Variants in GPC6 observed in about 807,000 individuals in gnomAD.
GPC6 encodes the protein glypican 6.
Under a neutral mutation model 55.2 loss-of-function variants are expected in GPC6, and 14 were observed. The observed-to-expected ratio is 0.25, with a 90% CI of 0.17 to 0.40. The LOEUF (loss-of-function observed/expected upper bound fraction) is 0.40, where lower values mean the gene tolerates loss of function less well. Among genes scored for constraint, GPC6 ranks in the 10% least tolerant of loss-of-function variants. GPC6 has a pLI of 1.00. For synonymous variants in GPC6, 278 were observed against 259.6 expected (o/e 1.07, Z -0.68); for missense variants, 641 against 708.5 (o/e 0.90, Z 1.08).
intron 2 of GPC6, among the ~76,000 whole-genome samples, chr13:93,582,443 C>T (rs1030405851): frequency 7.9e-5 from 12 of 152,000 alleles, no homozygotes; most frequent in African/African-American, 2.7e-4. Context: ...TTTTGTTAAG[C>T]AAATTAAAAG....
chr13:93,325,068 G>A (rs1879607789), intron 1 of GPC6, among the ~76,000 whole-genome samples: 1 of 152,010 alleles, frequency 6.6e-6, no homozygotes, highest in African/African-American at 2.4e-5. Flanking sequence ...CTATGTTTTG[G>A]AAAACTTAGG....
the GPC6 span, among the ~76,000 whole-genome samples, chr13:93,219,647 G>A: frequency 1.3e-5 from 2 of 151,982 alleles, no homozygotes; most frequent in East Asian, 3.9e-4. Context: ...TTTAATTATT[G>A]TATTTTGAAG....
intron 3 of GPC6, among the ~76,000 whole-genome samples, chr13:94,013,273 C>CTCCA (rs1318002613): frequency 1.3e-5 from 2 of 151,928 alleles, no homozygotes; most frequent in Non-Finnish European, 2.9e-5. Context: ...TTTGGAAATA[C>CTCCA]TCCAGTCTTT....
chr13:94,050,028 C>T (rs1883885600), intron 4 of GPC6, among the ~76,000 whole-genome samples: 2 of 152,042 alleles, frequency 1.3e-5, no homozygotes, highest in African/African-American at 2.4e-5. Flanking sequence ...TGCCTTTCAC[C>T]TTCACCATGA....
At chr13:93,243,046 G>A (rs2139017789) in intron 1 of GPC6, among the ~76,000 whole-genome samples, 1 of 152,276 alleles carries the variant, frequency 6.6e-6, no homozygotes, top group Non-Finnish European at 1.5e-5. Context: ...GTTCGAGATG[G>A]TAGCCCAATA....
intron 1 of GPC6, among the ~76,000 whole-genome samples, chr13:93,245,314 G>A (rs1003242687): frequency 2.0e-5 from 3 of 152,108 alleles, no homozygotes; most frequent in African/African-American, 7.2e-5. Context: ...TAATTGATTT[G>A]GGAAAGGGCA....
intron 4 of GPC6, among the ~76,000 whole-genome samples, chr13:94,043,247 G>C (rs532663646): frequency 1.3e-5 from 2 of 151,774 alleles, no homozygotes; most frequent in Non-Finnish European, 2.9e-5. Context: ...AGACGTGCTC[G>C]ATGCTACTGG....
At chr13:93,476,813 G>A (rs1879318739) in intron 1 of GPC6, among the ~76,000 whole-genome samples, 1 of 151,830 alleles carries the variant, frequency 6.6e-6, no homozygotes. Flanking sequence ...TAAAATATTG[G>A]GGTGTATAAA....
At chr13:93,827,990 A>G (rs2138976494) in intron 2 of GPC6, among the ~76,000 whole-genome samples, 1 of 151,772 alleles carries the variant, frequency 6.6e-6, no homozygotes, top group South Asian at 2.1e-4. Context: ...TTGGAAAGCA[A>G]TGAGTATCAG....
chr13:93,991,211 A>C (rs1881289167), intron 3 of GPC6, among the ~76,000 whole-genome samples: 1 of 152,184 alleles, frequency 6.6e-6, no homozygotes, highest in African/African-American at 2.4e-5. Flanking sequence ...ATAAAAGGGA[A>C]TCATATGATG....
chr13:93,925,100 T>C (rs1266762884), intron 3 of GPC6, among the ~76,000 whole-genome samples: 1 of 152,172 alleles, frequency 6.6e-6, no homozygotes, highest in Non-Finnish European at 1.5e-5. Context: ...TTTTACCTAC[T>C]TTGTCTCATT....
chr13:94,208,755 A>AT (rs1889980859), intron 4 of GPC6, among the ~76,000 whole-genome samples: 1 of 142,496 alleles, frequency 7.0e-6, no homozygotes, highest in African/African-American at 2.6e-5. Context: ...CCATCTCCCA[A>AT]AAAAAAAAAA....
chr13:94,166,037 T>C (rs2138921600), intron 4 of GPC6, among the ~76,000 whole-genome samples: 1 of 152,308 alleles, frequency 6.6e-6, no homozygotes, highest in South Asian at 2.1e-4. Context: ...TTTCTTCTGC[T>C]AATTGATTCT....
At chr13:94,115,846 T>A (rs1318315262) in intron 4 of GPC6, among the ~76,000 whole-genome samples, 1 of 152,064 alleles carries the variant, frequency 6.6e-6, no homozygotes, top group African/African-American at 2.4e-5. Flanking sequence ...TTATAGTAAA[T>A]AAGAATATTT....
intron 2 of GPC6, among the ~76,000 whole-genome samples, chr13:93,746,356 C>T (rs562556278): frequency 1.2e-4 from 19 of 152,180 alleles, no homozygotes; most frequent in South Asian, 8.3e-4. Context: ...AAGCTTATGT[C>T]GGAGCATACA....
intron 4 of GPC6, among the ~76,000 whole-genome samples, chr13:94,190,974 C>T (rs745930450): frequency 3.7e-4 from 56 of 152,066 alleles, no homozygotes; most frequent in Non-Finnish European, 5.7e-4. Context: ...GAGAGAGTGA[C>T]AGCAAGCAGC....
intron 3 of GPC6, among the ~76,000 whole-genome samples, chr13:94,019,598 A>ATC (rs1882619837): frequency 6.6e-6 from 1 of 151,904 alleles, no homozygotes; most frequent in African/African-American, 2.4e-5. Flanking sequence ...TCTTCACATC[A>ATC]TCTTCTTCTT....
chr13:93,915,928 G>C (rs921385443), intron 3 of GPC6, among the ~76,000 whole-genome samples: 1 of 152,184 alleles, frequency 6.6e-6, no homozygotes, highest in African/African-American at 2.4e-5. Flanking sequence ...GGAAGTGCCG[G>C]GAAAAGAGCG....
intron 4 of GPC6, among the ~76,000 whole-genome samples, chr13:94,122,192 T>A (rs532822632): frequency 1.1e-3 from 173 of 152,236 alleles, no homozygotes; most frequent in African/African-American, 3.8e-3. Context: ...CAATTTTTTT[T>A]AAAATATAGA....
Sources: allele counts gnomAD v4.1 joint callset (sites outside exome capture counted in the v4.1 genomes callset), GRCh38; gene constraint gnomAD v4.1.1; transcripts MANE v1.5; gene names NCBI Gene and HGNC (gene_info 2026-07-23, HGNC 2026-07-21).